The following ARMC2 variants were observed in gnomAD, a reference collection of about 807,000 sequenced individuals.
The protein encoded by ARMC2 is armadillo repeat-containing protein 2.
In ARMC2, 67 loss-of-function variants were observed where a neutral mutation model predicts 90.3. The ratio of observed to expected loss-of-function variants is 0.74; its 90% CI spans 0.61 to 0.91. The LOEUF (loss-of-function observed/expected upper bound fraction) is 0.91. ARMC2 is among the 40% of genes least tolerant of loss of function. ARMC2 has a pLI of 0.00. For synonymous variants in ARMC2, 393 were observed against 393.0 expected (o/e 1.00, Z 0.00); for missense variants, 920 against 1,030.9 (o/e 0.89, Z 1.47).
At position 108,958,396 on chromosome 6, in the gene ARMC2, G is replaced by C. The variant is rs150949108; in HGVS notation, c.1916-3176G>C. 2.2e-3 allele frequency among the ~76,000 whole-genome samples: 339 copies of C among 152,278 alleles called. 2 individuals carry two copies. The highest frequency in any genetic ancestry group is 6.8e-3 in the Middle Eastern group (2 of 294). On this transcript the variant is annotated intron_variant, in intron 13 of 17. Transcript: ENST00000392644. ...ATGTAAAACTTATTAGCTGACTTTT[G>C]AGGGTTACATGCATGGTAAAGTGCC...
chr6:109,030,893 T>C, the ARMC2 span, among the ~76,000 whole-genome samples: 1 of 152,236 alleles, frequency 6.6e-6, no homozygotes, highest in Non-Finnish European at 1.5e-5. Context: ...AATGCAGGTC[T>C]GCTCTGACTT....
Position 108,953,191 on chromosome 6 carries a change from C to A in ARMC2, c.1755C>A (p.Gly585=). 1.9e-6 allele frequency: 3 copies of A among 1,614,030 alleles called. No individual in the cohort carries two copies. Among genetic ancestry groups the A allele is most frequent in the Non-Finnish European group, 2.5e-6 (3 of 1,179,912 alleles). The change falls in exon 13 of 18, where the codon GGC becomes GGA. Residue 585 remains glycine (G), a synonymous_variant. Coordinates refer to ENST00000392644, the MANE Select transcript of ARMC2 (RefSeq NM_032131.6). ...QLDLHSQKPV[G]QRGEQHRAQR... The stretch of plus-strand genomic sequence containing the variant: ...ATCTGCATTCCCAGAAGCCGGTGGG[C>A]CAACGAGGCGAGCAGCACAGGGCGC...
At chr6:108,877,987 A>G (rs1777100578) in intron 5 of ARMC2, among the ~76,000 whole-genome samples, 3 of 152,198 alleles carry the variant, frequency 2.0e-5, no homozygotes, top group South Asian at 4.1e-4. Context: ...TGGGTTTGCA[A>G]TGTACCCTGG....
intron 10 of ARMC2, among the ~76,000 whole-genome samples, chr6:108,912,942 T>A (rs1241663594): frequency 4.6e-5 from 7 of 152,216 alleles, no homozygotes; most frequent in Non-Finnish European, 8.8e-5. Context: ...GTAGCTAATG[T>A]CATTACTCTT....
chr6:109,009,273 G>T, the ARMC2 span: 1 of 1,211,808 alleles, frequency 8.3e-7, no homozygotes, highest in South Asian at 1.9e-5. Context: ...AGGAGGCAAC[G>T]TGACCTCCGT....
intron 3 of ARMC2, among the ~76,000 whole-genome samples, chr6:108,864,601 G>C (rs933446720): frequency 6.6e-6 from 1 of 152,094 alleles, no homozygotes; most frequent in Admixed American, 6.5e-5. Flanking sequence ...CTTTTGTTGC[G>C]TGTGTGTGTT....
chr6:109,046,976 C>G, the ARMC2 span, among the ~76,000 whole-genome samples: 2 of 99,638 alleles, frequency 2.0e-5, no homozygotes, highest in African/African-American at 3.8e-5. Flanking sequence ...GCAGCCACCC[C>G]GTCCGGGAGG....
chr6:108,959,310 G>A (rs531482348), intron 13 of ARMC2: 3 of 152,310 alleles, frequency 2.0e-5, no homozygotes, highest in African/African-American at 7.2e-5. Context: ...CAAAGGGGGC[G>A]ATACTTAAGT....
At chr6:108,851,713 G>A (rs1774031302) in intron 1 of ARMC2, among the ~76,000 whole-genome samples, 1 of 152,106 alleles carries the variant, frequency 6.6e-6, no homozygotes, top group Non-Finnish European at 1.5e-5. Flanking sequence ...AGCCAAGGAG[G>A]ATAGCTTGAG....
chr6:108,880,067 C>T (rs891590468), intron 5 of ARMC2: 2 of 393,194 alleles, frequency 5.1e-6, no homozygotes, highest in South Asian at 3.7e-5. Context: ...TCCAGTAATC[C>T]AATGAAAGCA....
At chr6:108,997,308 AAGG>A in the ARMC2 span, among the ~76,000 whole-genome samples, 1 of 152,206 alleles carries the variant, frequency 6.6e-6, no homozygotes, top group Admixed American at 6.5e-5. Flanking sequence ...TATTGGTAGC[AAGG>A]AGAAGAATCC....
chr6:108,991,375 TG>T, the ARMC2 span, among the ~76,000 whole-genome samples: 1 of 152,190 alleles, frequency 6.6e-6, no homozygotes, highest in African/African-American at 2.4e-5. Context: ...CCTGAGTAAC[TG>T]GAACTATAGG....
At chr6:108,885,644 A>T (rs921132261) in intron 5 of ARMC2, among the ~76,000 whole-genome samples, 8 of 151,880 alleles carry the variant, frequency 5.3e-5, no homozygotes, top group African/African-American at 1.9e-4. Flanking sequence ...CCTGCACTCC[A>T]GCCTGGGTGA....
At chr6:108,994,759 G>C in the ARMC2 span, 1 of 620,644 alleles carries the variant, frequency 1.6e-6, no homozygotes, top group Non-Finnish European at 2.3e-6. Flanking sequence ...CTGCAGTGCA[G>C]TGGCGCGATC....
chr6:108,879,837 A>G (rs952230534), intron 5 of ARMC2: 1 of 446,714 alleles, frequency 2.2e-6, no homozygotes, highest in Admixed American at 2.7e-5. Flanking sequence ...ATTTAGCTGT[A>G]TTTGGCAAGT....
the ARMC2 span, among the ~76,000 whole-genome samples, chr6:109,046,219 G>T: frequency 6.7e-6 from 1 of 148,164 alleles, no homozygotes; most frequent in African/African-American, 2.5e-5. Context: ...TCAGCCTGCC[G>T]AGTGCCTGCG....
chr6:108,882,356 G>A (rs749238555), intron 5 of ARMC2, among the ~76,000 whole-genome samples: 6 of 151,322 alleles, frequency 4.0e-5, no homozygotes, highest in Non-Finnish European at 8.8e-5. Flanking sequence ...GGAGAATGGC[G>A]TGAACCCGGG....
rs1325534229 is a variant in ARMC2, at chr6:108,964,329, A to T, written c.2285+17A>T. ...CATTAAAAAGTAAGTTTCAGGGCGT[A>T]GAGTACTGACTCTCTCAGGATTTGA... On this transcript the variant is annotated intron_variant, in intron 16 of 17. Coordinates refer to ENST00000392644, the MANE Select transcript of ARMC2 (RefSeq NM_032131.6). The T allele has an allele frequency of 6.8e-6, 11 of 1,612,154 alleles. No homozygotes were observed. The highest frequency in any genetic ancestry group is 9.3e-6 in the Non-Finnish European group (11 of 1,178,940).
At chr6:109,017,887 G>A in the ARMC2 span, among the ~76,000 whole-genome samples, 5 of 151,950 alleles carry the variant, frequency 3.3e-5, no homozygotes, top group Non-Finnish European at 5.9e-5. Context: ...AATTCCTGGC[G>A]AGGCACAGTG....
Sources: allele counts gnomAD v4.1 joint callset (sites outside exome capture counted in the v4.1 genomes callset), GRCh38; gene constraint gnomAD v4.1.1; transcripts MANE v1.5; gene names NCBI Gene and HGNC (gene_info 2026-07-23, HGNC 2026-07-21).